The following RBFOX1 variants were observed in gnomAD, a reference collection of about 807,000 sequenced individuals.
RBFOX1 encodes the protein RNA binding protein fox-1 homolog 1.
A neutral mutation model predicts 57.7 loss-of-function variants in RBFOX1; 8 were observed. That is an observed-to-expected ratio of 0.14 (90% CI 0.08 to 0.25). The LOEUF (loss-of-function observed/expected upper bound fraction) is 0.25. RBFOX1 is among the 10% of genes least tolerant of loss of function. The pLI, the probability that RBFOX1 is intolerant of heterozygous loss-of-function variation, is 1.00. For synonymous variants in RBFOX1, 326 were observed against 222.4 expected (o/e 1.47, Z -4.15); for missense variants, 611 against 548.5 (o/e 1.11, Z -1.14).
chr16:5,435,941 G>GATT (rs972407322), intron 1 of RBFOX1, among the ~76,000 whole-genome samples: 1 of 152,188 alleles, frequency 6.6e-6, no homozygotes, highest in Non-Finnish European at 1.5e-5. Context: ...ACACACCTTT[G>GATT]ATTACTTCCT....
chr16:5,459,503 C>G (rs963556), intron 1 of RBFOX1, among the ~76,000 whole-genome samples: 16,032 of 152,124 alleles, frequency 0.11, 889 homozygotes, highest in Middle Eastern at 0.16. Flanking sequence ...CGTGACCAAC[C>G]GCCTGACCAC....
intron 4 of RBFOX1, among the ~76,000 whole-genome samples, chr16:7,059,506 A>G (rs558811261): frequency 1.3e-5 from 2 of 152,364 alleles, no homozygotes; most frequent in South Asian, 2.1e-4. Flanking sequence ...AGCCTAGTGG[A>G]AAAGACATGC....
At chr16:6,429,200 G>A (rs2094010149) in intron 2 of RBFOX1, among the ~76,000 whole-genome samples, 1 of 152,214 alleles carries the variant, frequency 6.6e-6, no homozygotes, top group Admixed American at 6.5e-5. Context: ...AGTTCCAAAT[G>A]TTTGAAATGT....
chr16:6,793,028 G>GAAAA (rs71145295), intron 3 of RBFOX1, among the ~76,000 whole-genome samples: 1 of 136,484 alleles, frequency 7.3e-6, no homozygotes. Context: ...GACTCCATCT[G>GAAAA]AAAAAAAAAA....
intron 3 of RBFOX1, among the ~76,000 whole-genome samples, chr16:6,921,153 G>T (rs1324066648): frequency 6.6e-6 from 1 of 152,138 alleles, no homozygotes; most frequent in Non-Finnish European, 1.5e-5. Context: ...CTTCATTTAG[G>T]AAATGGTGAT....
intron 2 of RBFOX1, among the ~76,000 whole-genome samples, chr16:6,344,407 C>CTTTCTTTTT (rs1555635139): frequency 9.1e-6 from 1 of 109,846 alleles, no homozygotes; most frequent in Non-Finnish European, 1.7e-5. Flanking sequence ...TCTTTTTTTT[C>CTTTCTTTTT]TTTTTTTTTT....
At chr16:6,151,529 A>G (rs1362810411) in intron 1 of RBFOX1, among the ~76,000 whole-genome samples, 2 of 152,108 alleles carry the variant, frequency 1.3e-5, no homozygotes, top group African/African-American at 4.8e-5. Context: ...CAGGTTATCC[A>G]CCTGCCTTAG....
chr16:5,893,763 G>A (rs181762015), intron 4 of RBFOX1, among the ~76,000 whole-genome samples: 18 of 150,988 alleles, frequency 1.2e-4, no homozygotes, highest in African/African-American at 3.7e-4. Flanking sequence ...CCAAGATTGC[G>A]CCACTGCACT....
intron 4 of RBFOX1, among the ~76,000 whole-genome samples, chr16:7,200,390 C>G (rs1263952969): frequency 6.6e-6 from 1 of 152,190 alleles, no homozygotes; most frequent in African/African-American, 2.4e-5. Context: ...TAAGTATCAT[C>G]TTAGAAAATA....
intron 4 of RBFOX1, among the ~76,000 whole-genome samples, chr16:7,390,424 G>T (rs186009171): frequency 6.6e-6 from 1 of 152,172 alleles, no homozygotes; most frequent in South Asian, 2.1e-4. Context: ...CAGAAGACTT[G>T]GGTTTAAGTT....
At chr16:5,420,391 T>TAC (rs59939324) in intron 1 of RBFOX1, among the ~76,000 whole-genome samples, 31 of 151,152 alleles carry the variant, frequency 2.1e-4, no homozygotes, top group South Asian at 6.3e-4. Flanking sequence ...CACCCCCATA[T>TAC]ACACACACAC....
chr16:7,336,448 C>A (rs921545355), intron 4 of RBFOX1, among the ~76,000 whole-genome samples: 2 of 152,170 alleles, frequency 1.3e-5, no homozygotes, highest in African/African-American at 4.8e-5. Context: ...GATTATTTTC[C>A]TGGATGGTTG....
intron 4 of RBFOX1, among the ~76,000 whole-genome samples, chr16:7,268,448 T>G (rs2095232531): frequency 6.6e-6 from 1 of 152,192 alleles, no homozygotes; most frequent in East Asian, 1.9e-4. Flanking sequence ...AGCAGGTCGT[T>G]CCTCTGCCCA....
At chr16:6,111,371 T>C (rs1330328173) in intron 1 of RBFOX1, among the ~76,000 whole-genome samples, 2 of 152,200 alleles carry the variant, frequency 1.3e-5, no homozygotes, top group Non-Finnish European at 2.9e-5. Flanking sequence ...GCTTATTTTC[T>C]TGAAGCCCTT....
chr16:6,228,116 G>C (rs991877925), intron 1 of RBFOX1, among the ~76,000 whole-genome samples: 3 of 152,086 alleles, frequency 2.0e-5, no homozygotes, highest in African/African-American at 7.2e-5. Flanking sequence ...TTCGAGACCA[G>C]CCTGGCCAAC....
chr16:6,394,374 T>C (rs1470661056), intron 2 of RBFOX1, among the ~76,000 whole-genome samples: 1 of 152,196 alleles, frequency 6.6e-6, no homozygotes, highest in African/African-American at 2.4e-5. Context: ...GAATAATCGA[T>C]GCATGTGAAT....
chr16:7,582,406 T>C (rs2093842799), intron 6 of RBFOX1, among the ~76,000 whole-genome samples: 1 of 152,236 alleles, frequency 6.6e-6, no homozygotes, highest in Non-Finnish European at 1.5e-5. Context: ...TACAGATTCA[T>C]AGACCCCCTT....
At chr16:5,945,210 A>T (rs116907285) in intron 4 of RBFOX1, among the ~76,000 whole-genome samples, 4 of 152,012 alleles carry the variant, frequency 2.6e-5, no homozygotes, top group African/African-American at 9.7e-5. Context: ...GAAGTGAACA[A>T]CTCAGATAAA....
chr16:5,804,098 CT>C (rs1443178067), intron 3 of RBFOX1, among the ~76,000 whole-genome samples: 1 of 152,190 alleles, frequency 6.6e-6, no homozygotes, highest in African/African-American at 2.4e-5. Flanking sequence ...GTCTGCCTCC[CT>C]CTCTAAGCTT....
Sources: gnomAD v4.1 joint callset for allele counts (sites outside exome capture counted in the v4.1 genomes callset) on GRCh38, gnomAD v4.1.1 for gene constraint, MANE v1.5 for transcripts, NCBI Gene and HGNC (gene_info 2026-07-23, HGNC 2026-07-21) for gene names.